Variants in GABRA1 observed in about 807,000 individuals in gnomAD.
GABRA1 encodes gamma-aminobutyric acid receptor subunit alpha-1.
In GABRA1, 9 loss-of-function variants were observed where a neutral mutation model predicts 48.9. The ratio of observed to expected loss-of-function variants is 0.18; its 90% CI spans 0.11 to 0.32. The LOEUF (loss-of-function observed/expected upper bound fraction) is 0.32, where lower values mean the gene tolerates loss of function less well. Among genes scored for constraint, GABRA1 ranks in the 10% least tolerant of loss-of-function variants. GABRA1 has a pLI of 1.00. For synonymous variants in GABRA1, 210 were observed against 198.7 expected (o/e 1.06, Z -0.48); for missense variants, 285 against 553.8 (o/e 0.51, Z 4.87).
Position 161,893,048 on chromosome 5 carries a change from T to TAATAAAAA in GABRA1, c.856+2000_856+2001insTAAAAAAA, listed in dbSNP as rs5872733. Among the ~76,000 whole-genome samples, 450 of 142,008 alleles carry TAATAAAAA rather than the reference T, an allele frequency of 3.2e-3. 4 individuals are homozygous for TAATAAAAA. The highest frequency in any genetic ancestry group is 5.2e-3 in the African/African-American group (197 of 38,168). 93.2% of individuals were successfully genotyped at this position (142,008 alleles called of 152,430 possible). On this transcript the variant is annotated intron_variant, in intron 8 of 9. Transcript: ENST00000393943. ...ATAATAATAATAATAATAATAATAA[T>TAATAAAAA]AAAATAAACACAGGACATATTTATG... is the stretch of plus-strand genomic sequence containing the variant.
At chr5:161,894,250 G>A (rs576311777) in intron 8 of GABRA1, among the ~76,000 whole-genome samples, 13 of 152,206 alleles carry the variant, frequency 8.5e-5, no homozygotes, top group Admixed American at 2.0e-4. Context: ...CCAGAAGCTC[G>A]TGATTTTAAG....
intron 3 of GABRA1, among the ~76,000 whole-genome samples, chr5:161,864,841 A>C (rs970029005): frequency 9.9e-6 from 1 of 100,832 alleles, no homozygotes; most frequent in Non-Finnish European, 2.1e-5. Flanking sequence ...ATAAAATAAA[A>C]TAAATATAAA....
intron 7 of GABRA1, among the ~76,000 whole-genome samples, chr5:161,884,119 G>A (rs887984208): frequency 6.6e-6 from 1 of 152,092 alleles, no homozygotes; most frequent in African/African-American, 2.4e-5. Context: ...ATATTGCAGA[G>A]TGTTATATAA....
rs761921247 is a variant in GABRA1 at position 161,895,769 on chromosome 5, C to T, written c.960C>T (p.Cys320=). ...CTATGGATTGGTTTATTGCCGTGTGCTATGCCTTTGTGTTCTCAGCTCTGA... is the reference window on the plus strand; with the variant it reads ...CTATGGATTGGTTTATTGCCGTGTGTTATGCCTTTGTGTTCTCAGCTCTGA... The part of the protein sequence containing the change: ...ATAMDWFIAV[C]YAFVFSALIE... Residue 320 remains cysteine, a synonymous_variant, in exon 9 of 10, where the codon TGC becomes TGT. Coordinates refer to ENST00000393943, the MANE Select transcript of GABRA1 (RefSeq NM_001127644.2). 6.2e-7 allele frequency: 1 copy of T among 1,613,924 alleles called. No individual in the cohort carries two copies. The highest frequency in any genetic ancestry group is 8.5e-7 in the Non-Finnish European group (1 of 1,179,926).
chr5:161,868,146 G>C (rs1753952789), intron 4 of GABRA1, among the ~76,000 whole-genome samples: 1 of 151,926 alleles, frequency 6.6e-6, no homozygotes, highest in East Asian at 1.9e-4. Flanking sequence ...TAGAAGGCAT[G>C]GGGAATTAAA....
intron 3 of GABRA1, among the ~76,000 whole-genome samples, chr5:161,857,118 C>T (rs938246789): frequency 2.0e-5 from 3 of 151,296 alleles, no homozygotes; most frequent in African/African-American, 7.3e-5. Flanking sequence ...TTATCATTAG[C>T]TTCTAAGGGA....
chr5:161,897,664 C>A lies in GABRA1; in HGVS notation c.*242C>A. ...AGAGCAAAGTCATGTCAGAAGGAGA[C>A]AGAATGAGAGAGAAAAGAGGGGGAA... On this transcript the variant is annotated 3_prime_UTR_variant, in exon 10 of 10. Transcript: ENST00000393943. 16 of 474,118 alleles carry A rather than the reference C, an allele frequency of 3.4e-5. No individual in the cohort carries two copies. Among genetic ancestry groups the A allele is most frequent in the Non-Finnish European group, 5.6e-5 (15 of 268,400 alleles). 29.4% of individuals were successfully genotyped at this position (474,118 alleles called of 1,614,324 possible).
At chr5:161,887,135 T>C (rs1429281914) in intron 7 of GABRA1, among the ~76,000 whole-genome samples, 1 of 152,148 alleles carries the variant, frequency 6.6e-6, no homozygotes, top group Non-Finnish European at 1.5e-5. Flanking sequence ...CTAAATAAAT[T>C]TGATTATAAG....
At chr5:161,858,014 A>T (rs1757716146) in intron 3 of GABRA1, among the ~76,000 whole-genome samples, 1 of 151,278 alleles carries the variant, frequency 6.6e-6, no homozygotes, top group African/African-American at 2.4e-5. Context: ...GCAAAAGAGG[A>T]TAGAAAATAA....
chr5:161,867,631 A>G (rs570452537), intron 4 of GABRA1, among the ~76,000 whole-genome samples: 2 of 152,256 alleles, frequency 1.3e-5, no homozygotes, highest in South Asian at 2.1e-4. Context: ...AGTGCTCAAT[A>G]AATGATAGCT....
At chr5:161,890,861 C>T (rs1026405981) in intron 7 of GABRA1, 37 bp from the exon 8 acceptor site, 1 of 1,603,508 alleles carries the variant, frequency 6.2e-7, no homozygotes, top group Non-Finnish European at 8.5e-7. Flanking sequence ...TTTCTAAAGT[C>T]AAATTGCTCA....
chr5:161,848,528 C>CGGGGGGGGGGGGGGGGGG (rs1450654848), intron 1 of GABRA1, 106 bp downstream of exon 1: 1 of 5,502 alleles, frequency 1.8e-4, no homozygotes, highest in African/African-American at 1.4e-3. Context: ...CGGGGGGAGA[C>CGGGGGGGGGGGGGGGGGG]GGGGGGAGAG....
chr5:161,898,350 A>T lies in GABRA1; in HGVS notation c.*928A>T, dbSNP rs564873207. 6.5e-6 allele frequency: 1 copy of T among 152,760 alleles called. No individual in the cohort carries two copies. The highest frequency in any genetic ancestry group is 1.9e-4 in the East Asian group (1 of 5,192). 9.5% of individuals were successfully genotyped at this position (152,760 alleles called of 1,614,324 possible). ...CTGGAATTGTTGAATGTATTCTTTT[A>T]TATAACTACATTAAAAGCTTTAGAT... On this transcript the variant is annotated 3_prime_UTR_variant, in exon 10 of 10. Coordinates refer to ENST00000393943, the MANE Select transcript of GABRA1 (RefSeq NM_001127644.2).
At chr5:161,867,378 T>C (rs1372579263) in intron 4 of GABRA1, among the ~76,000 whole-genome samples, 1 of 152,118 alleles carries the variant, frequency 6.6e-6, no homozygotes, top group Non-Finnish European at 1.5e-5. Flanking sequence ...TTGTTCCCAA[T>C]ATTAACTATT....
chr5:161,882,920 T>C (rs1754678623), intron 7 of GABRA1, among the ~76,000 whole-genome samples: 1 of 152,138 alleles, frequency 6.6e-6, no homozygotes, highest in South Asian at 2.1e-4. Flanking sequence ...TGTTTGCAAA[T>C]TGAGAAACTG....
chr5:161,850,944 C>A, intron 2 of GABRA1, 60 bp downstream of exon 2: 1 of 1,416,448 alleles, frequency 7.1e-7, no homozygotes, highest in Non-Finnish European at 1.0e-6. Flanking sequence ...TTTATTTTAT[C>A]GGGGGAAGAA....
intron 3 of GABRA1, 78 bp downstream of exon 3, chr5:161,854,348 T>C (rs1757563177): frequency 2.5e-6 from 2 of 797,966 alleles, no homozygotes; most frequent in Non-Finnish European, 4.5e-6. Context: ...TACCTCTAAA[T>C]GGTCAAATAA....
chr5:161,865,700 C>T, intron 3 of GABRA1, 21 bp from the exon 4 acceptor site: 1 of 1,608,154 alleles, frequency 6.2e-7, no homozygotes, highest in South Asian at 1.1e-5. Flanking sequence ...CACTCACTCG[C>T]CCAATTTCCT....
intron 7 of GABRA1, among the ~76,000 whole-genome samples, chr5:161,886,182 T>C (rs541124725): frequency 6.6e-6 from 1 of 152,222 alleles, no homozygotes; most frequent in African/African-American, 2.4e-5. Flanking sequence ...CTGCAGGGTA[T>C]GTACTCTCAA....
Sources: gnomAD v4.1 joint callset for allele counts (sites outside exome capture counted in the v4.1 genomes callset) on GRCh38, gnomAD v4.1.1 for gene constraint, MANE v1.5 for transcripts, NCBI Gene and HGNC (gene_info 2026-07-23, HGNC 2026-07-21) for gene names.